Variants in FAM227B observed in about 807,000 individuals in gnomAD.
The protein encoded by FAM227B is protein FAM227B.
FAM227B carries 88 observed loss-of-function variants against 73.8 expected under a neutral mutation model. The observed-to-expected ratio is 1.19, with a 90% CI of 1.00 to 1.42. The LOEUF (loss-of-function observed/expected upper bound fraction) is 1.42, where lower values mean the gene tolerates loss of function less well. FAM227B is among the 40% of genes most tolerant of loss of function. The pLI, the probability that FAM227B is intolerant of heterozygous loss-of-function variation, is 0.00. For synonymous variants in FAM227B, 210 were observed against 190.5 expected (o/e 1.10, Z -0.84); for missense variants, 632 against 590.9 (o/e 1.07, Z -0.72).
chr15:49,582,027 G>C (rs2075843769), intron 5 of FAM227B, among the ~76,000 whole-genome samples: 1 of 152,108 alleles, frequency 6.6e-6, no homozygotes, highest in South Asian at 2.1e-4. Flanking sequence ...GGCTGTACCT[G>C]CTTGCAGTAC....
intron 6 of FAM227B, 131 bp from the exon 7 acceptor site, chr15:49,576,976 T>C (rs2075485950): frequency 1.7e-6 from 1 of 591,250 alleles, no homozygotes; most frequent in Non-Finnish European, 2.9e-6. Context: ...TTTTACTAAA[T>C]TAACTAAAAA....
chr15:49,492,146 G>C (rs2057168423), intron 11 of FAM227B, among the ~76,000 whole-genome samples: 1 of 151,758 alleles, frequency 6.6e-6, no homozygotes. Context: ...CACTATGTGA[G>C]GTAAAAACAC....
At chr15:49,451,842 A>G (rs1235353795) in intron 11 of FAM227B, among the ~76,000 whole-genome samples, 1 of 152,058 alleles carries the variant, frequency 6.6e-6, no homozygotes, top group Admixed American at 6.6e-5. Flanking sequence ...ACCTAGGAGG[A>G]AAAAACTAAG....
chr15:49,529,014 C>T (rs1461321997), intron 10 of FAM227B, among the ~76,000 whole-genome samples: 2 of 151,700 alleles, frequency 1.3e-5, no homozygotes, highest in African/African-American at 4.8e-5. Flanking sequence ...CAAAAAAAGA[C>T]ACCTGCACTC....
chr15:49,362,260 A>C (rs891591683), intron 13 of FAM227B, among the ~76,000 whole-genome samples: 2 of 152,064 alleles, frequency 1.3e-5, no homozygotes, highest in Admixed American at 6.6e-5. Flanking sequence ...CATGATAGTG[A>C]AAGTTCTCAT....
intron 9 of FAM227B, among the ~76,000 whole-genome samples, chr15:49,544,959 A>C (rs1443401242): frequency 1.3e-5 from 2 of 151,962 alleles, no homozygotes; most frequent in African/African-American, 4.8e-5. Context: ...ATTGGTCTGT[A>C]GTTTTCTTTT....
At chr15:49,565,647 C>T (rs733097) in intron 9 of FAM227B, among the ~76,000 whole-genome samples, 49,840 of 151,826 alleles carry the variant, frequency 0.33, 8,961 homozygotes, top group African/African-American at 0.46. Flanking sequence ...AGACTGAATA[C>T]TGGTGCAAAA....
chr15:49,492,774 A>G (rs2057234995), intron 11 of FAM227B, among the ~76,000 whole-genome samples: 1 of 151,864 alleles, frequency 6.6e-6, no homozygotes, highest in Non-Finnish European at 1.5e-5. Context: ...AATATATATG[A>G]TCTTTATAAT....
chr15:49,493,024 T>C (rs1340979145), intron 11 of FAM227B, among the ~76,000 whole-genome samples: 1 of 151,878 alleles, frequency 6.6e-6, no homozygotes, highest in Non-Finnish European at 1.5e-5. Flanking sequence ...GTGTCCTGAA[T>C]CTTCTTCTTG....
chr15:49,515,882 A>T (rs28608569), intron 10 of FAM227B, among the ~76,000 whole-genome samples: 45,012 of 152,024 alleles, frequency 0.3, 6,998 homozygotes, highest in East Asian at 0.38. Context: ...GATGTTTGTT[A>T]GATGGGTGGC....
chr15:49,552,588 C>T (rs1250151207), intron 9 of FAM227B, among the ~76,000 whole-genome samples: 1 of 152,160 alleles, frequency 6.6e-6, no homozygotes, highest in Non-Finnish European at 1.5e-5. Flanking sequence ...TCTTTTTCTA[C>T]CTCCTTTTTA....
intron 11 of FAM227B, among the ~76,000 whole-genome samples, chr15:49,420,554 A>G (rs72727285): frequency 0.055 from 8,318 of 152,280 alleles, 283 homozygotes; most frequent in East Asian, 0.072. Flanking sequence ...AAGATACACA[A>G]GAAACTAATA....
chr15:49,493,874 A>G (rs1486789222), intron 11 of FAM227B, among the ~76,000 whole-genome samples: 7 of 123,792 alleles, frequency 5.7e-5, no homozygotes, highest in East Asian at 2.3e-4. Context: ...ATGTATGTGT[A>G]TATATATATA....
intron 10 of FAM227B, among the ~76,000 whole-genome samples, chr15:49,540,854 T>G (rs1450482829): frequency 6.6e-6 from 1 of 152,178 alleles, no homozygotes; most frequent in Non-Finnish European, 1.5e-5. Flanking sequence ...ATTAATTTGA[T>G]TTTTTATATA....
At chr15:49,556,067 A>T (rs916469119) in intron 9 of FAM227B, among the ~76,000 whole-genome samples, 1 of 152,174 alleles carries the variant, frequency 6.6e-6, no homozygotes, top group African/African-American at 2.4e-5. Context: ...ATCGAGTCTG[A>T]CAAGTGACCC....
chr15:49,534,906 A>T lies in FAM227B; in HGVS notation c.874+6774T>A, dbSNP rs182600632. Among the ~76,000 whole-genome samples, 298 of 151,894 alleles carry T rather than the reference A, an allele frequency of 2.0e-3. 1 individual carries two copies. The highest frequency in any genetic ancestry group is 6.9e-3 in the African/African-American group (286 of 41,526). On this transcript the variant is annotated intron_variant, in intron 10 of 15. Transcript: ENST00000299338. ...AAAATCGGAACAAAGGAAAATGGAA[A>T]CATGACATACTAAAACCTGTGGGAT...
intron 11 of FAM227B, among the ~76,000 whole-genome samples, chr15:49,447,843 C>T (rs183201433): frequency 5.3e-5 from 8 of 151,720 alleles, no homozygotes; most frequent in East Asian, 3.9e-4. Flanking sequence ...ATTCACAGAA[C>T]GAGAATGAAT....
intron 11 of FAM227B, among the ~76,000 whole-genome samples, chr15:49,459,192 T>C (rs993528875): frequency 2.6e-5 from 4 of 151,786 alleles, no homozygotes; most frequent in East Asian, 1.9e-4. Flanking sequence ...CACATTGTAA[T>C]TGATGTGCAG....
intron 8 of FAM227B, among the ~76,000 whole-genome samples, chr15:49,571,237 T>C (rs1364890779): frequency 6.6e-6 from 1 of 151,976 alleles, no homozygotes; most frequent in East Asian, 1.9e-4. Context: ...AAATTGCTTA[T>C]ATATTTTGGA....
Sources: gnomAD v4.1 joint callset for allele counts (sites outside exome capture counted in the v4.1 genomes callset) on GRCh38, gnomAD v4.1.1 for gene constraint, MANE v1.5 for transcripts, NCBI Gene and HGNC (gene_info 2026-07-23, HGNC 2026-07-21) for gene names.